The following NKAIN2 variants were observed in gnomAD, a reference collection of about 807,000 sequenced individuals.
The protein encoded by NKAIN2 is sodium/potassium-transporting ATPase subunit beta-1-interacting protein 2.
NKAIN2 carries 14 observed loss-of-function variants against 32.6 expected under a neutral mutation model. That is an observed-to-expected ratio of 0.43 (90% CI 0.28 to 0.67). The LOEUF (loss-of-function observed/expected upper bound fraction) is 0.67. Ranked by LOEUF, NKAIN2 falls within the 30% of genes least tolerant of loss-of-function variation. The pLI, the probability that NKAIN2 is intolerant of heterozygous loss-of-function variation, is 0.17. For synonymous variants in NKAIN2, 80 were observed against 87.2 expected (o/e 0.92, Z 0.46); for missense variants, 198 against 258.3 (o/e 0.77, Z 1.60).
intron 1 of NKAIN2, among the ~76,000 whole-genome samples, chr6:124,180,349 A>G (rs980814376): frequency 5.9e-5 from 9 of 152,148 alleles, no homozygotes; most frequent in Non-Finnish European, 8.8e-5. Flanking sequence ...AGCAGACAAG[A>G]GAGTGTGTGT....
chr6:124,733,765 A>G (rs1220358442), intron 4 of NKAIN2, among the ~76,000 whole-genome samples: 1 of 151,784 alleles, frequency 6.6e-6, no homozygotes, highest in African/African-American at 2.4e-5. Context: ...GTAAATATAT[A>G]TATTTACATA....
At chr6:123,883,881 C>T (rs1264448662) in intron 1 of NKAIN2, among the ~76,000 whole-genome samples, 7 of 102,626 alleles carry the variant, frequency 6.8e-5, no homozygotes, top group African/African-American at 1.3e-4. Flanking sequence ...GGCGACAGAG[C>T]GAGACTCTGT....
chr6:123,925,923 G>A (rs61309937), intron 1 of NKAIN2, among the ~76,000 whole-genome samples: 6,091 of 152,238 alleles, frequency 0.04, 392 homozygotes, highest in African/African-American at 0.14. Flanking sequence ...ATATAATTCT[G>A]GTGGATGAGA....
intron 1 of NKAIN2, among the ~76,000 whole-genome samples, chr6:124,152,663 A>G (rs1317802122): frequency 6.6e-6 from 1 of 152,030 alleles, no homozygotes; most frequent in Non-Finnish European, 1.5e-5. Flanking sequence ...ACTGCTAGGT[A>G]TATATCCACA....
In NKAIN2 at chr6:124,115,405, A is replaced by G. The variant is rs549999489; in HGVS notation, c.55-167600A>G. On this transcript the variant is annotated intron_variant, in intron 1 of 6. Transcript: ENST00000368417. ...CACATATTCTATATTGAGCATATCA[A>G]AGGAAGAGAGACTAGGATTATGAGC... Among the ~76,000 whole-genome samples the G allele has an allele frequency of 2.6e-5, 4 of 152,288 alleles. No homozygotes were observed. In the South Asian group the frequency reaches 8.3e-4, roughly 32 times the overall value.
chr6:124,033,036 A>T (rs534976203), intron 1 of NKAIN2, among the ~76,000 whole-genome samples: 10 of 152,286 alleles, frequency 6.6e-5, no homozygotes, highest in African/African-American at 2.4e-4. Context: ...TACTGGTAGG[A>T]TAGACACTTT....
At chr6:124,386,222 T>C (rs1259769869) in intron 3 of NKAIN2, among the ~76,000 whole-genome samples, 1 of 152,194 alleles carries the variant, frequency 6.6e-6, no homozygotes, top group Admixed American at 6.6e-5. Context: ...AGAGAAGTAC[T>C]CGCTGGTAAC....
intron 3 of NKAIN2, among the ~76,000 whole-genome samples, chr6:124,543,100 G>A (rs1183125334): frequency 3.9e-5 from 6 of 152,204 alleles, no homozygotes; most frequent in East Asian, 1.9e-4. Flanking sequence ...CTATGAAGTC[G>A]AAGGGAATAT....
chr6:124,818,555 C>A, intron 6 of NKAIN2, 87 bp downstream of exon 6: 1 of 552,326 alleles, frequency 1.8e-6, no homozygotes, highest in Admixed American at 2.9e-5. Flanking sequence ...TGGCATGCAG[C>A]TTTTGTTCAG....
intron 1 of NKAIN2, among the ~76,000 whole-genome samples, chr6:123,872,227 A>C (rs1772925885): frequency 1.3e-5 from 2 of 152,382 alleles, no homozygotes; most frequent in South Asian, 4.1e-4. Context: ...TTCCCAATTA[A>C]AACTGCTAGG....
chr6:123,825,049 G>A (rs1218362189), intron 1 of NKAIN2, among the ~76,000 whole-genome samples: 1 of 152,148 alleles, frequency 6.6e-6, no homozygotes, highest in Non-Finnish European at 1.5e-5. Flanking sequence ...CGGGTGTCTG[G>A]TGAAAGCCTG....
chr6:123,936,293 C>A (rs148736108), intron 1 of NKAIN2, among the ~76,000 whole-genome samples: 1 of 152,102 alleles, frequency 6.6e-6, no homozygotes, highest in Non-Finnish European at 1.5e-5. Context: ...GGTCTAATTG[C>A]GGACCCTAGA....
chr6:124,382,907 G>A (rs956723168), intron 3 of NKAIN2, among the ~76,000 whole-genome samples: 8 of 152,250 alleles, frequency 5.3e-5, no homozygotes, highest in Admixed American at 5.2e-4. Context: ...ATATCTGTTA[G>A]TTTTCTGGCC....
At chr6:124,330,609 C>A (rs1005242176) in intron 2 of NKAIN2, among the ~76,000 whole-genome samples, 3 of 152,158 alleles carry the variant, frequency 2.0e-5, no homozygotes, top group African/African-American at 4.8e-5. Flanking sequence ...AAGAACTTGA[C>A]TGTGAGCTGT....
chr6:124,627,308 T>C (rs540025333), intron 3 of NKAIN2, among the ~76,000 whole-genome samples: 2 of 152,258 alleles, frequency 1.3e-5, no homozygotes, highest in Admixed American at 6.5e-5. Context: ...AAATCATAAG[T>C]GTGTTTAACT....
intron 1 of NKAIN2, among the ~76,000 whole-genome samples, chr6:124,176,282 T>C (rs763041960): frequency 6.6e-6 from 1 of 152,124 alleles, no homozygotes; most frequent in Admixed American, 6.5e-5. Context: ...AGACCTTCGA[T>C]TTGTAAAAAA....
chr6:124,700,029 C>G (rs1349658174), intron 4 of NKAIN2, among the ~76,000 whole-genome samples: 1 of 152,084 alleles, frequency 6.6e-6, no homozygotes, highest in Non-Finnish European at 1.5e-5. Context: ...TAGAATCCAG[C>G]AGAATTCTCT....
At chr6:124,219,347 G>A (rs575444149) in intron 1 of NKAIN2, among the ~76,000 whole-genome samples, 22 of 149,938 alleles carry the variant, frequency 1.5e-4, no homozygotes, top group Non-Finnish European at 3.1e-4. Context: ...GTGCGATCTC[G>A]GCTCACTGCA....
At chr6:124,729,910 C>T (rs902241684) in intron 4 of NKAIN2, among the ~76,000 whole-genome samples, 2 of 150,522 alleles carry the variant, frequency 1.3e-5, no homozygotes, top group African/African-American at 4.9e-5. Context: ...TCTTATACAC[C>T]AGCAACAGAC....
Sources: allele counts gnomAD v4.1 joint callset (sites outside exome capture counted in the v4.1 genomes callset), GRCh38; gene constraint gnomAD v4.1.1; transcripts MANE v1.5; gene names NCBI Gene and HGNC (gene_info 2026-07-23, HGNC 2026-07-21).